The following ZNRF2 variants were observed in gnomAD, a reference collection of about 807,000 sequenced individuals.
The protein encoded by ZNRF2 is zinc and ring finger 2.
ZNRF2 carries 16 observed loss-of-function variants against 20.4 expected under a neutral mutation model. The ratio of observed to expected loss-of-function variants is 0.79; its 90% confidence interval spans 0.53 to 1.19. The LOEUF is 1.19. ZNRF2 is among the 50% of genes most tolerant of loss of function. The pLI is 0.00. For missense variants in ZNRF2, 363 were observed against 332.4 expected (o/e 1.09, Z -0.72); for synonymous variants, 178 against 144.9 (o/e 1.23, Z -1.64).
At chr7:30,318,187 A>G (rs1438033777) in intron 1 of ZNRF2, among the ~76,000 whole-genome samples, 3 of 152,202 alleles carry the variant, frequency 2.0e-5, no homozygotes, top group Non-Finnish European at 4.4e-5. Context: ...AGGGAGGTTC[A>G]TGACATCTGG....
intron 1 of ZNRF2, among the ~76,000 whole-genome samples, chr7:30,306,469 T>C (rs1799207680): frequency 6.6e-6 from 1 of 152,138 alleles, no homozygotes; most frequent in Non-Finnish European, 1.5e-5. Flanking sequence ...CCATCTTTTA[T>C]GGCAAATGAG....
At chr7:30,302,879 G>A (rs931821992) in intron 1 of ZNRF2, among the ~76,000 whole-genome samples, 5 of 152,126 alleles carry the variant, frequency 3.3e-5, no homozygotes, top group Non-Finnish European at 7.4e-5. Context: ...ATGCACTCTG[G>A]ACAGCATCAA....
intron 1 of ZNRF2, among the ~76,000 whole-genome samples, chr7:30,316,060 G>A (rs1046134480): frequency 6.6e-6 from 1 of 151,808 alleles, no homozygotes; most frequent in African/African-American, 2.4e-5. Flanking sequence ...AGGCCAAGGC[G>A]GGCAGATCAC....
intron 2 of ZNRF2, among the ~76,000 whole-genome samples, chr7:30,334,940 T>C (rs1244170589): frequency 6.6e-6 from 1 of 152,160 alleles, no homozygotes; most frequent in East Asian, 1.9e-4. Flanking sequence ...TGTATAGAAA[T>C]AGAAATGCTA....
At chr7:30,364,644 AC>A (rs1181740169) in intron 4 of ZNRF2, among the ~76,000 whole-genome samples, 1 of 152,176 alleles carries the variant, frequency 6.6e-6, no homozygotes, top group Non-Finnish European at 1.5e-5. Context: ...ACAAAACGAA[AC>A]TGTGGCTAAA....
At chr7:30,326,097 T>C (rs1799546086) in intron 2 of ZNRF2, among the ~76,000 whole-genome samples, 1 of 152,186 alleles carries the variant, frequency 6.6e-6, no homozygotes, top group Non-Finnish European at 1.5e-5. Flanking sequence ...TTGTGTAATA[T>C]ATCTAGAATA....
intron 1 of ZNRF2, chr7:30,289,652 T>C (rs1798861399): frequency 5.4e-6 from 2 of 368,410 alleles, no homozygotes; most frequent in South Asian, 4.3e-5. Flanking sequence ...TGTTTTGCTG[T>C]GTGTAAGTGT....
At chr7:30,359,238 G>A (rs1407797278) in intron 3 of ZNRF2, among the ~76,000 whole-genome samples, 3 of 152,040 alleles carry the variant, frequency 2.0e-5, no homozygotes, top group Non-Finnish European at 4.4e-5. Context: ...TTTTTTGTCT[G>A]GGATACACTT....
chr7:30,363,088 T>A (rs1461088128), intron 4 of ZNRF2, among the ~76,000 whole-genome samples: 6 of 151,998 alleles, frequency 3.9e-5, no homozygotes, highest in Admixed American at 3.9e-4. Context: ...GCCACTGCAC[T>A]CTAGCCTGGG....
intron 1 of ZNRF2, among the ~76,000 whole-genome samples, chr7:30,318,947 A>G (rs1799418926): frequency 6.6e-6 from 1 of 152,136 alleles, no homozygotes; most frequent in Non-Finnish European, 1.5e-5. Flanking sequence ...CCCCATCTCT[A>G]CTAAAAATAC....
intron 3 of ZNRF2, among the ~76,000 whole-genome samples, chr7:30,360,528 A>G (rs1204035459): frequency 2.6e-5 from 3 of 114,878 alleles, no homozygotes; most frequent in Non-Finnish European, 5.0e-5. Context: ...TCTCTACTGG[A>G]AAAAAAAAAA....
At chr7:30,353,345 T>C (rs1799986993) in intron 2 of ZNRF2, among the ~76,000 whole-genome samples, 1 of 152,128 alleles carries the variant, frequency 6.6e-6, no homozygotes, top group Admixed American at 6.6e-5. Flanking sequence ...GTTCGGGATG[T>C]TTTTGTATAC....
chr7:30,318,261 C>T (rs1193167843), intron 1 of ZNRF2, among the ~76,000 whole-genome samples: 1 of 152,088 alleles, frequency 6.6e-6, no homozygotes, highest in Admixed American at 6.6e-5. Flanking sequence ...CATCTGGCAT[C>T]TCATCTGTCT....
rs184643815 is a variant in ZNRF2, at chr7:30,295,098, T to A, written c.469+9272T>A. ...GTGTGTGTGTGTGTGTGTGTGTGTG[T>A]GTGATTGCAGGTGTCAGCCACTGCC... On this transcript the variant is annotated intron_variant, in intron 1 of 4. Coordinates refer to ENST00000323037, the MANE Select transcript of ZNRF2 (RefSeq NM_147128.4). 2.0e-4 allele frequency among the ~76,000 whole-genome samples: 28 copies of A among 142,124 alleles called. 2 individuals are homozygous for A. Among genetic ancestry groups the A allele is most frequent in the African/African-American group, 5.2e-4 (19 of 36,560 alleles). 93.2% of individuals were successfully genotyped at this position (142,124 alleles called of 152,430 possible). A position where few individuals can be genotyped will look rare whatever the true frequency, so the allele number is the denominator to read the frequency against.
At position 30,319,012 on chromosome 7, in the gene ZNRF2, T is replaced by C. The variant is rs532917582; in HGVS notation, c.470-4630T>C. On this transcript the variant is annotated intron_variant, in intron 1 of 4. Transcript: ENST00000323037. ...CTGTAATCCCAGCTACTCGGGAGGC[T>C]GAGGCAAGAGAATCACTTGAACCCA... Among the ~76,000 whole-genome samples the C allele has an allele frequency of 1.3e-3, 196 of 151,780 alleles. 1 individual carries two copies. The highest frequency in any genetic ancestry group is 4.1e-3 in the African/African-American group (169 of 41,352).
chr7:30,298,124 G>A (rs1479650664), intron 1 of ZNRF2, among the ~76,000 whole-genome samples: 1 of 151,652 alleles, frequency 6.6e-6, no homozygotes, highest in Non-Finnish European at 1.5e-5. Context: ...AAATTTCTGA[G>A]GTCTTTAAAA....
chr7:30,285,263 C>T lies in ZNRF2; in HGVS notation c.-95C>T, dbSNP rs1400413561. ...TGCGGGGGCCTCTCTGGGCCGGCCG[C>T]GGCGCCTGGGCCCTGCCCTCTAGCT... is the stretch of plus-strand genomic sequence containing the variant. On this transcript the variant is annotated 5_prime_UTR_variant, in exon 1 of 5. Coordinates refer to ENST00000323037, the MANE Select transcript of ZNRF2 (RefSeq NM_147128.4). 1.1e-6 allele frequency: 1 copy of T among 932,626 alleles called. No individual in the cohort carries two copies. Among genetic ancestry groups the T allele is most frequent in the Non-Finnish European group, 1.3e-6 (1 of 767,020 alleles). 57.8% of individuals were successfully genotyped at this position (932,626 alleles called of 1,614,324 possible).
At chr7:30,298,945 G>A (rs1409759651) in intron 1 of ZNRF2, among the ~76,000 whole-genome samples, 1 of 152,158 alleles carries the variant, frequency 6.6e-6, no homozygotes, top group East Asian at 1.9e-4. Context: ...TTTCTTTCCA[G>A]AGTCTAAAGG....
At chr7:30,355,086 T>C (rs1800016044) in intron 2 of ZNRF2, among the ~76,000 whole-genome samples, 2 of 152,134 alleles carry the variant, frequency 1.3e-5, no homozygotes, top group African/African-American at 4.8e-5. Flanking sequence ...TGCAGATCCT[T>C]TTGGAAGCCA....
Sources: gnomAD v4.1 joint callset for allele counts (sites outside exome capture counted in the v4.1 genomes callset) on GRCh38, gnomAD v4.1.1 for gene constraint, MANE v1.5 for transcripts, NCBI Gene and HGNC (gene_info 2026-07-23, HGNC 2026-07-21) for gene names.